ADAM7: variants seen among roughly 807,000 people sequenced by gnomAD.
The protein encoded by ADAM7 is disintegrin and metalloproteinase domain-containing protein 7.
Under a neutral mutation model 102.9 loss-of-function variants are expected in ADAM7, and 97 were observed. The observed-to-expected ratio is 0.94, with a 90% CI of 0.80 to 1.12. The LOEUF is 1.12. ADAM7 is among the 50% of genes most tolerant of loss of function. The pLI is 0.00. For synonymous variants in ADAM7, 334 were observed against 304.4 expected, an observed-to-expected ratio of 1.10 and a Z score of -1.01; for missense variants, 991 against 908.7, an observed-to-expected ratio of 1.09 and a Z score of -1.16.
chr8:24,457,422 T>C (rs925204304), intron 3 of ADAM7, among the ~76,000 whole-genome samples: 7 of 152,054 alleles, frequency 4.6e-5, no homozygotes, highest in Admixed American at 1.3e-4. Context: ...ACTGCAGGCA[T>C]CCACCACCAT....
At chr8:24,503,716 G>A (rs1009375792) in intron 20 of ADAM7, among the ~76,000 whole-genome samples, 2 of 152,138 alleles carry the variant, frequency 1.3e-5, no homozygotes, top group African/African-American at 4.8e-5. Flanking sequence ...ATGAGTTCAT[G>A]TCCTTTGCAG....
intron 10 of ADAM7, 24 bp downstream of exon 10, chr8:24,485,385 A>G (rs755281210): frequency 5.0e-6 from 8 of 1,590,078 alleles, no homozygotes; most frequent in Non-Finnish European, 6.0e-6. Context: ...TATTTATATT[A>G]CTTAATAATG....
At chr8:24,447,937 A>AAC (rs55836403) in intron 3 of ADAM7, among the ~76,000 whole-genome samples, 16,008 of 140,452 alleles carry the variant, frequency 0.11, 1,080 homozygotes, top group East Asian at 0.39. Flanking sequence ...TAAATAACAA[A>AAC]ACACACACAC....
chr8:24,457,748 T>C (rs1368723890), intron 3 of ADAM7, among the ~76,000 whole-genome samples: 1 of 152,150 alleles, frequency 6.6e-6, no homozygotes, highest in South Asian at 2.1e-4. Context: ...CTAAGAAAAA[T>C]TGCCTAACTG....
At chr8:24,499,458 T>C (rs991624194) in intron 17 of ADAM7, 142 bp downstream of exon 17, 1 of 589,588 alleles carries the variant, frequency 1.7e-6, no homozygotes, top group Non-Finnish European at 2.6e-6. Flanking sequence ...ATTCATTTTT[T>C]CATGTGTTAT....
At chr8:24,503,067 C>T (rs1820818107) in intron 20 of ADAM7, among the ~76,000 whole-genome samples, 1 of 151,894 alleles carries the variant, frequency 6.6e-6, no homozygotes, top group South Asian at 2.1e-4. Context: ...TGCAATAATG[C>T]AAAGAAACTT....
At chr8:24,478,675 T>C (rs555655679) in intron 8 of ADAM7, among the ~76,000 whole-genome samples, 18 of 152,306 alleles carry the variant, frequency 1.2e-4, no homozygotes, top group African/African-American at 4.1e-4. Context: ...CAACATATTA[T>C]GGATAACTAA....
intron 16 of ADAM7, among the ~76,000 whole-genome samples, chr8:24,493,798 C>T (rs1473784450): frequency 6.6e-6 from 1 of 152,062 alleles, no homozygotes; most frequent in Non-Finnish European, 1.5e-5. Context: ...TTTTAACACA[C>T]AGGAAATGGG....
intron 9 of ADAM7, among the ~76,000 whole-genome samples, 193 bp downstream of exon 9, chr8:24,482,504 T>A (rs1819990506): frequency 6.6e-6 from 1 of 152,116 alleles, no homozygotes; most frequent in Admixed American, 6.6e-5. Context: ...TCCCAACATT[T>A]TAGGAGACCA....
At chr8:24,476,071 G>A in intron 7 of ADAM7, 1 of 407,464 alleles carries the variant, frequency 2.5e-6, no homozygotes, top group South Asian at 1.8e-5. Context: ...CATATAGATT[G>A]CTTTGTAGCT....
At chr8:24,501,325 A>C (rs1023294293) in intron 19 of ADAM7, 152 bp from the exon 20 acceptor site, 3 of 545,426 alleles carry the variant, frequency 5.5e-6, no homozygotes, top group Non-Finnish European at 9.4e-6. Context: ...ATAATTAGAC[A>C]ATATAAAAAA....
At chr8:24,461,685 T>A (rs956608111) in intron 3 of ADAM7, among the ~76,000 whole-genome samples, 1 of 152,152 alleles carries the variant, frequency 6.6e-6, no homozygotes, top group Admixed American at 6.5e-5. Context: ...GAAGCTCTTT[T>A]TTTTCTGTCT....
intron 3 of ADAM7, among the ~76,000 whole-genome samples, chr8:24,454,424 A>C (rs1255713649): frequency 6.6e-6 from 1 of 152,200 alleles, no homozygotes; most frequent in African/African-American, 2.4e-5. Context: ...GCTAGCAATC[A>C]GCAAGACTCC....
At chr8:24,484,080 A>C (rs1376529346) in intron 9 of ADAM7, among the ~76,000 whole-genome samples, 1 of 152,172 alleles carries the variant, frequency 6.6e-6, no homozygotes, top group Non-Finnish European at 1.5e-5. Flanking sequence ...TCATGCAACC[A>C]TGAGAGGACA....
At chr8:24,462,849 C>T (rs1193278971) in intron 3 of ADAM7, among the ~76,000 whole-genome samples, 1 of 151,996 alleles carries the variant, frequency 6.6e-6, no homozygotes, top group East Asian at 1.9e-4. Context: ...CACAGGTAAC[C>T]TTTGAAGACT....
At chr8:24,447,631 A>G (rs74534075) in intron 3 of ADAM7, among the ~76,000 whole-genome samples, 59 of 152,328 alleles carry the variant, frequency 3.9e-4, no homozygotes, top group Non-Finnish European at 5.9e-4. Flanking sequence ...TAGATATCAA[A>G]TCAAGTTCCA....
In ADAM7 at chr8:24,441,494, G is replaced by C. The variant is rs150095502; in HGVS notation, c.52+334G>C. 5.3e-5 allele frequency among the ~76,000 whole-genome samples: 8 copies of C among 152,306 alleles called. No individual in the cohort carries two copies. The East Asian group carries it at 1.5e-3, about 29-fold the overall frequency. ...TCCACTTTACAGATAAGGAAAATGA[G>C]ACTATTTACAGATCAGAGAAATTAA... On this transcript the variant is annotated intron_variant, in intron 1 of 21. Coordinates refer to ENST00000175238, the MANE Select transcript of ADAM7 (RefSeq NM_003817.4).
chr8:24,498,506 G>A (rs934240407), intron 16 of ADAM7, among the ~76,000 whole-genome samples: 1 of 151,166 alleles, frequency 6.6e-6, no homozygotes, highest in African/African-American at 2.4e-5. Flanking sequence ...AAGCCACAAT[G>A]TCTAATGTTG....
At chr8:24,484,936 C>T (rs1194106131) in intron 9 of ADAM7, among the ~76,000 whole-genome samples, 2 of 150,882 alleles carry the variant, frequency 1.3e-5, no homozygotes, top group Non-Finnish European at 3.0e-5. Flanking sequence ...CTCCCAAGTA[C>T]CTGGGACTAC....
Sources: allele counts gnomAD v4.1 joint callset (sites outside exome capture counted in the v4.1 genomes callset), GRCh38; gene constraint gnomAD v4.1.1; transcripts MANE v1.5; gene names NCBI Gene and HGNC (gene_info 2026-07-23, HGNC 2026-07-21).